The following TTLL7 variants were observed in gnomAD, a reference collection of about 807,000 sequenced individuals.
TTLL7 encodes tubulin polyglutamylase TTLL7.
A neutral mutation model predicts 120.2 loss-of-function variants in TTLL7; 53 were observed. That is an observed-to-expected ratio of 0.44 (90% CI 0.35 to 0.55). The LOEUF (loss-of-function observed/expected upper bound fraction) is 0.55. Ranked by LOEUF, TTLL7 falls within the 20% of genes least tolerant of loss-of-function variation. The pLI is 0.00. For synonymous variants in TTLL7, 353 were observed against 351.7 expected, an observed-to-expected ratio of 1.00 and a Z score of -0.04; for missense variants, 803 against 1,054.7, an observed-to-expected ratio of 0.76 and a Z score of 3.31.
chr1:83,949,846 G>T lies in TTLL7; in HGVS notation c.279+19C>A. ...ATAACTTTCCTCATACCACTAACTGGTCATGATTAATTTCCTACCTGATAA... is the reference window on the plus strand; with the variant it reads ...ATAACTTTCCTCATACCACTAACTGTTCATGATTAATTTCCTACCTGATAA... On this transcript the variant is annotated intron_variant, in intron 4 of 20. Coordinates refer to ENST00000260505, the MANE Select transcript of TTLL7 (RefSeq NM_024686.6). The T allele has an allele frequency of 6.2e-7, 1 of 1,612,600 alleles. No homozygotes were observed. Among genetic ancestry groups the T allele is most frequent in the Non-Finnish European group, 8.5e-7 (1 of 1,179,662 alleles).
chr1:83,956,465 C>T (rs912670869), intron 1 of TTLL7, among the ~76,000 whole-genome samples: 4 of 144,808 alleles, frequency 2.8e-5, no homozygotes, highest in African/African-American at 7.6e-5. Context: ...TTTGCTCTTA[C>T]TGCCCAGGCT....
chr1:83,897,811 C>G (rs553521540), intron 18 of TTLL7, among the ~76,000 whole-genome samples: 6 of 149,958 alleles, frequency 4.0e-5, no homozygotes, highest in Non-Finnish European at 7.4e-5. Flanking sequence ...CCCTAAGGCT[C>G]TTCCTGCCTA....
At chr1:83,930,745 TC>T (rs573159265) in intron 9 of TTLL7, among the ~76,000 whole-genome samples, 1 of 152,254 alleles carries the variant, frequency 6.6e-6, no homozygotes, top group South Asian at 2.1e-4. Context: ...TTTGTAGAAT[TC>T]CTCAGAGTTT....
At chr1:83,984,903 A>G (rs1652305834) in intron 1 of TTLL7, among the ~76,000 whole-genome samples, 1 of 152,206 alleles carries the variant, frequency 6.6e-6, no homozygotes, top group South Asian at 2.1e-4. Context: ...ACAAAACTGC[A>G]TATGTACCCC....
At chr1:83,941,916 A>G (rs1648014320) in intron 7 of TTLL7, among the ~76,000 whole-genome samples, 1 of 152,204 alleles carries the variant, frequency 6.6e-6, no homozygotes, top group South Asian at 2.1e-4. Context: ...ACATTGGTCA[A>G]TGTAAGTTGA....
At chr1:83,933,515 TG>T in intron 9 of TTLL7, 92 bp downstream of exon 9, 1 of 1,331,608 alleles carries the variant, frequency 7.5e-7, no homozygotes, top group South Asian at 1.4e-5. Flanking sequence ...GGACAGTTAA[TG>T]GGACAACTGT....
intron 20 of TTLL7, among the ~76,000 whole-genome samples, chr1:83,876,977 T>C (rs141917750): frequency 2.0e-3 from 306 of 152,122 alleles, no homozygotes; most frequent in African/African-American, 7.0e-3. Flanking sequence ...TGTTACTCAT[T>C]TGAAAGGGAA....
At chr1:83,917,723 A>C in intron 13 of TTLL7, 33 bp from the exon 14 acceptor site, 2 of 1,404,516 alleles carry the variant, frequency 1.4e-6, no homozygotes, top group Non-Finnish European at 1.0e-6. Flanking sequence ...AATTACAACC[A>C]CTAATGGACT....
intron 14 of TTLL7, among the ~76,000 whole-genome samples, chr1:83,911,598 T>C (rs934414775): frequency 2.0e-5 from 3 of 152,060 alleles, no homozygotes; most frequent in Non-Finnish European, 4.4e-5. Context: ...ATGTTGTTCC[T>C]ACATGATTGG....
At chr1:83,885,052 A>C (rs1027230780) in intron 19 of TTLL7, 4 of 283,476 alleles carry the variant, frequency 1.4e-5, no homozygotes, top group African/African-American at 9.1e-5. Context: ...TTATAGATGT[A>C]GATAGAGATA....
At chr1:83,959,626 C>T (rs1401234401) in intron 1 of TTLL7, among the ~76,000 whole-genome samples, 1 of 152,096 alleles carries the variant, frequency 6.6e-6, no homozygotes, top group Non-Finnish European at 1.5e-5. Flanking sequence ...CTAACCAACA[C>T]ACTCATTTTG....
In TTLL7 at chr1:83,931,643, T is replaced by C. The variant is rs189722814; in HGVS notation, c.1047+1965A>G. 1.2e-4 allele frequency among the ~76,000 whole-genome samples: 18 copies of C among 145,508 alleles called. No individual in the cohort carries two copies. In the East Asian group the frequency reaches 3.0e-3, roughly 24 times the overall value. Reference sequence around the variant, plus strand: ...CTTATATTCCCACCACCTAACACAATGACTATAACTTAGTAGGTTCCTGTT... The same window carrying C: ...CTTATATTCCCACCACCTAACACAACGACTATAACTTAGTAGGTTCCTGTT... On this transcript the variant is annotated intron_variant, in intron 9 of 20. Transcript: ENST00000260505.
At chr1:83,966,074 T>C (rs1201704744) in intron 1 of TTLL7, among the ~76,000 whole-genome samples, 1 of 152,190 alleles carries the variant, frequency 6.6e-6, no homozygotes, top group African/African-American at 2.4e-5. Flanking sequence ...TGGATGTTGC[T>C]TTGAAGATAC....
At chr1:83,993,796 G>A (rs189269798) in intron 1 of TTLL7, among the ~76,000 whole-genome samples, 3 of 152,312 alleles carry the variant, frequency 2.0e-5, no homozygotes, top group African/African-American at 7.2e-5. Context: ...CCATCCCAGA[G>A]CCAAAACAAT....
At chr1:83,904,809 C>T (rs1169043775) in intron 17 of TTLL7, among the ~76,000 whole-genome samples, 1 of 152,020 alleles carries the variant, frequency 6.6e-6, no homozygotes, top group Non-Finnish European at 1.5e-5. Context: ...AATTCTACTA[C>T]TTTGTTTTAT....
intron 13 of TTLL7, among the ~76,000 whole-genome samples, chr1:83,918,471 T>A (rs1658371964): frequency 6.6e-6 from 1 of 152,162 alleles, no homozygotes; most frequent in Non-Finnish European, 1.5e-5. Flanking sequence ...AAACTAGAAA[T>A]CTCACTGTGC....
Position 83,868,146 on chromosome 1 carries a change from T to C in TTLL7, c.*1816A>G, listed in dbSNP as rs1653043808. On this transcript the variant is annotated 3_prime_UTR_variant, in exon 21 of 21. Coordinates refer to ENST00000260505, the MANE Select transcript of TTLL7 (RefSeq NM_024686.6). ...ATACATCTAACTTATAACTTTAGGT[T>C]GCCAATTCTTCAGGCTGTGAATTAA... The C allele has an allele frequency of 6.6e-6, 1 of 152,208 alleles. No homozygotes were observed. The highest frequency in any genetic ancestry group is 6.5e-5 in the Admixed American group (1 of 15,274). 9.4% of individuals were successfully genotyped at this position (152,208 alleles called of 1,614,324 possible).
chr1:83,892,395 TATATATGAACATATATATGAAC>T (rs1557563247), intron 18 of TTLL7, among the ~76,000 whole-genome samples: 13 of 131,592 alleles, frequency 9.9e-5, no homozygotes, highest in South Asian at 2.3e-4. Flanking sequence ...TATATACGAA[TATATATGAACATATATATGAAC>T]ATATATATGA....
At chr1:83,926,711 G>C (rs1046226187) in intron 10 of TTLL7, among the ~76,000 whole-genome samples, 9 of 152,162 alleles carry the variant, frequency 5.9e-5, no homozygotes, top group African/African-American at 1.7e-4. Flanking sequence ...TGTAGCCCAT[G>C]AGTTAGTTGT....
Sources: allele counts gnomAD v4.1 joint callset (sites outside exome capture counted in the v4.1 genomes callset), GRCh38; gene constraint gnomAD v4.1.1; transcripts MANE v1.5; gene names NCBI Gene and HGNC (gene_info 2026-07-23, HGNC 2026-07-21).